Variants in PKP2 observed in about 807,000 individuals in gnomAD.
The protein encoded by PKP2 is plakophilin-2.
In PKP2, 73 loss-of-function variants were observed where a neutral mutation model predicts 83.4. That is an observed-to-expected ratio of 0.88 (90% confidence interval 0.72 to 1.06). The LOEUF is 1.06. Ranked by LOEUF, PKP2 falls within the 50% of genes least tolerant of loss-of-function variation. The probability of loss-of-function intolerance (pLI) is 0.00; values close to 1 mark genes in which losing one functional copy is unlikely to be tolerated. For missense variants in PKP2, 966 were observed against 1,065.4 expected, an observed-to-expected ratio of 0.91 and a Z score of 1.30; for synonymous variants, 409 against 430.4, an observed-to-expected ratio of 0.95 and a Z score of 0.62.
At chr12:32,824,533 A>G in intron 6 of PKP2, 1 of 249,150 alleles carries the variant, frequency 4.0e-6, no homozygotes, top group South Asian at 5.1e-5. Context: ...CCAAGTCCCA[A>G]TTTGCCCCAT....
intron 9 of PKP2, among the ~76,000 whole-genome samples, chr12:32,803,233 C>T (rs1483392363): frequency 4.6e-5 from 7 of 151,860 alleles, no homozygotes; most frequent in African/African-American, 1.7e-4. Context: ...ATTAGCCAGG[C>T]GTGGTGGCAC....
chr12:32,825,480 T>C (rs891649066), intron 6 of PKP2, among the ~76,000 whole-genome samples: 7 of 152,228 alleles, frequency 4.6e-5, no homozygotes, highest in African/African-American at 1.7e-4. Flanking sequence ...CCAGATCAGT[T>C]TCTTTTACTG....
intron 9 of PKP2, among the ~76,000 whole-genome samples, chr12:32,812,533 C>T (rs1024064061): frequency 2.6e-5 from 4 of 152,064 alleles, no homozygotes; most frequent in African/African-American, 4.8e-5. Flanking sequence ...GACAGAGTCT[C>T]GCTCTGTCGC....
intron 1 of PKP2, among the ~76,000 whole-genome samples, chr12:32,887,557 G>A (rs1331691741): frequency 1.3e-5 from 2 of 152,152 alleles, no homozygotes; most frequent in African/African-American, 4.8e-5. Context: ...AGGATCAAGC[G>A]ATTCTTGTGC....
chr12:32,796,826 AG>A (rs1384002713), intron 10 of PKP2, among the ~76,000 whole-genome samples: 1 of 152,252 alleles, frequency 6.6e-6, no homozygotes, highest in Non-Finnish European at 1.5e-5. Flanking sequence ...AAATCTTTTC[AG>A]AGTGTAATTT....
chr12:32,804,502 C>A (rs1592730378), intron 9 of PKP2, among the ~76,000 whole-genome samples: 1 of 152,162 alleles, frequency 6.6e-6, no homozygotes, highest in South Asian at 2.1e-4. Flanking sequence ...CACCAAGTAT[C>A]CATGTGTTCC....
chr12:32,877,012 A>C (rs1291335693), intron 3 of PKP2, among the ~76,000 whole-genome samples: 1 of 152,222 alleles, frequency 6.6e-6, no homozygotes, highest in Admixed American at 6.6e-5. Context: ...CATGCTGTAC[A>C]ATTTCACTTG....
At chr12:32,879,124 A>AT in intron 1 of PKP2, 92 bp from the exon 2 acceptor site, 1 of 763,522 alleles carries the variant, frequency 1.3e-6, no homozygotes, top group East Asian at 2.6e-5. Context: ...AAACTTTTAA[A>AT]TTTAAGTAAT....
Position 32,792,308 on chromosome 12 carries a change from G to C in PKP2, c.*116C>G. The stretch of plus-strand genomic sequence containing the variant: ...TTGTTTTCTGGATTCAGGGGACCAC[G>C]GAAATAGAGAAGGATAGAAACAAGG... On this transcript the variant is annotated 3_prime_UTR_variant, in exon 13 of 13. Coordinates refer to ENST00000340811, the MANE Select transcript of PKP2 (RefSeq NM_001005242.3). 1.3e-6 allele frequency: 1 copy of C among 797,162 alleles called. No individual in the cohort carries two copies. The highest frequency in any genetic ancestry group is 2.5e-5 in the East Asian group (1 of 39,516). 49.4% of individuals were successfully genotyped at this position (797,162 alleles called of 1,614,324 possible).
At position 32,878,520 on chromosome 12, in the gene PKP2, T is replaced by C. The variant is rs764868621; in HGVS notation, c.360A>G (p.Glu120=). 6 of 1,612,038 alleles carry C rather than the reference T, an allele frequency of 3.7e-6. No homozygotes were observed. The East Asian group carries it at 1.1e-4, about 30-fold the overall frequency. Residue 120 remains glutamate (E), a synonymous_variant, in exon 3 of 13, where the codon GAA becomes GAG. Coordinates refer to ENST00000340811, the MANE Select transcript of PKP2 (RefSeq NM_001005242.3). ...MLKAGTTATY[E]GRWGRGTAQY... Reference sequence around the variant, plus strand: ...GTGCTGTTCCTCTTCCCCAGCGACCTTCATAAGTGGCAGTTGTGCCAGCCT... The same window carrying C: ...GTGCTGTTCCTCTTCCCCAGCGACCCTCATAAGTGGCAGTTGTGCCAGCCT...
At chr12:32,810,096 T>C (rs73090732) in intron 9 of PKP2, among the ~76,000 whole-genome samples, 2,482 of 152,352 alleles carry the variant, frequency 0.016, 29 homozygotes, top group Non-Finnish European at 0.026. Flanking sequence ...CTGTTATGAA[T>C]GCCTGCTGCT....
chr12:32,808,459 T>C (rs1956245434), intron 9 of PKP2, among the ~76,000 whole-genome samples: 1 of 152,188 alleles, frequency 6.6e-6, no homozygotes, highest in Non-Finnish European at 1.5e-5. Context: ...TTCTTTGCAT[T>C]GGGTTACGAC....
chr12:32,864,909 C>T (rs1480802543), intron 4 of PKP2, among the ~76,000 whole-genome samples: 1 of 152,038 alleles, frequency 6.6e-6, no homozygotes, highest in African/African-American at 2.4e-5. Context: ...AGAAGTTGGC[C>T]CCTTTCTGGG....
rs766302397 is a variant in PKP2, at chr12:32,821,452, T to C, written c.1917A>G (p.Ile639Met). Residue 639 changes from isoleucine to methionine, a missense_variant, in exon 9 of 13, where the codon ATA becomes ATG. Ile to Met is a conservative substitution (Grantham distance 10). Transcript: ENST00000340811. ...TGGCGATCAAGGACAGATACATCCT[T>C]ATAACAATGGAATGCCACAGCCACT... ...GVEWLWHSIV[I>M]RMYLSLIAKS... is the part of the protein sequence containing the mutation. The C allele has an allele frequency of 6.2e-7, 1 of 1,614,056 alleles. No homozygotes were observed.
rs757689437 is a variant in PKP2, at chr12:32,843,238, C to T, written c.1379-2033G>A. 2 of 931,448 alleles carry T rather than the reference C, an allele frequency of 2.1e-6. No individual in the cohort carries two copies. The highest frequency in any genetic ancestry group is 3.2e-6 in the Non-Finnish European group (2 of 631,942). The allele number at this position is 931,448 out of a possible 1,614,324, so 57.7% of individuals were successfully genotyped here. A position where few individuals can be genotyped will look rare whatever the true frequency, so the allele number is the denominator to read the frequency against. The stretch of plus-strand genomic sequence containing the variant: ...CCTCGTGATCCGCCCGCCTTGGCCT[C>T]CCAAAGTGCTGGGATTACAGGCGTG... On this transcript the variant is annotated intron_variant, in intron 5 of 12. Coordinates refer to ENST00000340811, the MANE Select transcript of PKP2 (RefSeq NM_001005242.3).
chr12:32,818,466 CA>C, intron 9 of PKP2, among the ~76,000 whole-genome samples: 2 of 151,506 alleles, frequency 1.3e-5, no homozygotes, highest in East Asian at 3.9e-4. Context: ...GTCTCAAAAA[CA>C]AAAAAAACCC....
intron 1 of PKP2, among the ~76,000 whole-genome samples, chr12:32,880,436 G>A (rs770033873): frequency 1.5e-4 from 23 of 152,078 alleles, no homozygotes; most frequent in Non-Finnish European, 2.9e-4. Context: ...AAACAACAGG[G>A]TAGATCAGCA....
chr12:32,893,425 A>G (rs531638238), intron 1 of PKP2: 33 of 152,346 alleles, frequency 2.2e-4, no homozygotes, highest in African/African-American at 7.9e-4. Context: ...AACCACCACG[A>G]GCCCCCAGAC....
chr12:32,793,648 T>C (rs1420625757), intron 11 of PKP2, among the ~76,000 whole-genome samples: 1 of 120,402 alleles, frequency 8.3e-6, no homozygotes, highest in Non-Finnish European at 1.6e-5. Flanking sequence ...GAGGCTGGAG[T>C]GCAGTGGAGC....
Sources: allele counts gnomAD v4.1 joint callset (sites outside exome capture counted in the v4.1 genomes callset), GRCh38; gene constraint gnomAD v4.1.1; transcripts MANE v1.5; gene names NCBI Gene and HGNC (gene_info 2026-07-23, HGNC 2026-07-21).